The following SEMA5A variants were observed in gnomAD, a reference collection of about 807,000 sequenced individuals.
SEMA5A encodes the protein semaphorin 5A.
In SEMA5A, 55 loss-of-function variants were observed where a neutral mutation model predicts 135.5. The observed-to-expected ratio is 0.41, with a 90% CI of 0.33 to 0.51. The LOEUF is 0.51. Ranked by LOEUF, SEMA5A falls within the 20% of genes least tolerant of loss-of-function variation. The pLI is 0.37. For missense variants in SEMA5A, 1,290 were observed against 1,419.9 expected (o/e 0.91, Z 1.47); for synonymous variants, 580 against 546.5 (o/e 1.06, Z -0.85).
At position 9,088,017 on chromosome 5, in the gene SEMA5A, G is replaced by A. The variant is rs191535901; in HGVS notation, c.2073+20123C>T. On this transcript the variant is annotated intron_variant, in intron 16 of 22. Coordinates refer to ENST00000382496, the MANE Select transcript of SEMA5A (RefSeq NM_003966.3). ...AATATGAAGACAGTGGCCGGGCGTG[G>A]TGGCTCACGCCTATAATCCCAGCAA... is the stretch of plus-strand genomic sequence containing the variant. Among the ~76,000 whole-genome samples, 23 of 152,274 alleles carry A rather than the reference G, an allele frequency of 1.5e-4. No individual in the cohort carries two copies. In the East Asian group the frequency reaches 2.9e-3, roughly 19 times the overall value.
chr5:9,433,477 A>C (rs1412972140), intron 2 of SEMA5A, among the ~76,000 whole-genome samples: 2 of 152,194 alleles, frequency 1.3e-5, no homozygotes, highest in Non-Finnish European at 2.9e-5. Flanking sequence ...TTAATAATTA[A>C]GCCTTAAAAT....
chr5:9,413,040 T>C (rs902182626), intron 2 of SEMA5A, among the ~76,000 whole-genome samples: 1 of 152,158 alleles, frequency 6.6e-6, no homozygotes, highest in South Asian at 2.1e-4. Context: ...ATAACAAGTA[T>C]TGGCAGGAGA....
chr5:9,168,218 G>A (rs139007788), intron 11 of SEMA5A, among the ~76,000 whole-genome samples: 5 of 152,280 alleles, frequency 3.3e-5, no homozygotes, highest in African/African-American at 1.2e-4. Flanking sequence ...TACTCAGGGA[G>A]AAGCCTGAGA....
At chr5:9,492,501 T>C (rs1008722501) in intron 1 of SEMA5A, among the ~76,000 whole-genome samples, 1 of 152,190 alleles carries the variant, frequency 6.6e-6, no homozygotes, top group Non-Finnish European at 1.5e-5. Flanking sequence ...TGCTGCACTC[T>C]GAGCAAGAAG....
chr5:9,410,596 A>G (rs1163302771), intron 2 of SEMA5A, among the ~76,000 whole-genome samples: 1 of 152,204 alleles, frequency 6.6e-6, no homozygotes, highest in Non-Finnish European at 1.5e-5. Context: ...TTCCTCAGCA[A>G]ACAAACACAG....
At chr5:9,428,282 T>A (rs144156013) in intron 2 of SEMA5A, among the ~76,000 whole-genome samples, 32 of 152,232 alleles carry the variant, frequency 2.1e-4, no homozygotes, top group African/African-American at 7.5e-4. Context: ...TTACAGGAAA[T>A]ACAATTTCAG....
In SEMA5A at chr5:9,379,916, A is replaced by T; in HGVS notation, c.31T>A (p.Phe11Ile). 1 of 1,613,946 alleles carries T rather than the reference A, an allele frequency of 6.2e-7. No homozygotes were observed. Among genetic ancestry groups the T allele is most frequent in the East Asian group, 2.2e-5 (1 of 44,866 alleles). MKGTCVIAWLFSSLGLWRLAH... is the reference protein window; with the variant it reads MKGTCVIAWLISSLGLWRLAH... ...AGTCTCCACAGCCCCAGGCTTGAGA[A>T]CAGCCATGCTATAACACAGGTTCCC... The change falls in exon 3 of 23, where the codon TTC becomes ATC. Residue 11 changes from phenylalanine (F) to isoleucine (I), a missense_variant. By Grantham distance (21) the Phe-to-Ile change is conservative (BLOSUM62 0). Coordinates refer to ENST00000382496, the MANE Select transcript of SEMA5A (RefSeq NM_003966.3).
intron 5 of SEMA5A, among the ~76,000 whole-genome samples, chr5:9,290,591 T>A (rs1751029209): frequency 6.6e-6 from 1 of 152,142 alleles, no homozygotes; most frequent in African/African-American, 2.4e-5. Context: ...ATCATACTAT[T>A]AAAAATAACA....
intron 11 of SEMA5A, among the ~76,000 whole-genome samples, chr5:9,181,490 C>T (rs1326833132): frequency 6.6e-6 from 1 of 152,212 alleles, no homozygotes; most frequent in Non-Finnish European, 1.5e-5. Flanking sequence ...CCTCAATTGG[C>T]AGCCCCCCTG....
Position 9,457,682 on chromosome 5 carries a change from G to C in SEMA5A, c.-174-19830C>G, listed in dbSNP as rs558228978. 3.3e-5 allele frequency among the ~76,000 whole-genome samples: 5 copies of C among 152,132 alleles called. No homozygotes were observed. In the East Asian group the frequency reaches 7.7e-4, roughly 24 times the overall value. On this transcript the variant is annotated intron_variant, in intron 1 of 22. Transcript: ENST00000382496. ...AGGACTAACAAGTCTAGTTGTCTGG[G>C]AATTTGAATTCTTCCTCTGTATTTT...
intron 9 of SEMA5A, among the ~76,000 whole-genome samples, chr5:9,201,397 T>C (rs1745696125): frequency 6.6e-6 from 1 of 152,214 alleles, no homozygotes; most frequent in Admixed American, 6.5e-5. Context: ...AAAAATACTA[T>C]AATTTTTACA....
At chr5:9,161,654 G>C (rs1184445419) in intron 11 of SEMA5A, among the ~76,000 whole-genome samples, 1 of 152,190 alleles carries the variant, frequency 6.6e-6, no homozygotes, top group Non-Finnish European at 1.5e-5. Context: ...ACTGCCTGAG[G>C]ATGTACAGGG....
chr5:9,110,803 C>T (rs558662214), intron 15 of SEMA5A, among the ~76,000 whole-genome samples: 3 of 152,106 alleles, frequency 2.0e-5, no homozygotes, highest in Non-Finnish European at 2.9e-5. Context: ...AACACAGAAA[C>T]GTAAGGTTTT....
chr5:9,068,459 T>G (rs1737593844), intron 16 of SEMA5A, among the ~76,000 whole-genome samples: 1 of 152,104 alleles, frequency 6.6e-6, no homozygotes. Context: ...AGGGCAGAAC[T>G]CTCAGTGTCC....
chr5:9,362,004 T>C (rs1020290264), intron 3 of SEMA5A, among the ~76,000 whole-genome samples: 2 of 152,172 alleles, frequency 1.3e-5, no homozygotes, highest in African/African-American at 4.8e-5. Flanking sequence ...CTTATTTGGG[T>C]ACCTCGTGGG....
intron 21 of SEMA5A, among the ~76,000 whole-genome samples, chr5:9,046,349 T>C (rs1456376260): frequency 6.6e-6 from 1 of 152,194 alleles, no homozygotes; most frequent in Non-Finnish European, 1.5e-5. Context: ...CTGGAGATAA[T>C]GAGAAGAGCC....
chr5:9,243,107 T>C (rs1748294885), intron 5 of SEMA5A, among the ~76,000 whole-genome samples: 2 of 152,222 alleles, frequency 1.3e-5, no homozygotes. Context: ...TCCCTAGAGC[T>C]GTTGTGAGAA....
chr5:9,145,646 T>C lies in SEMA5A; in HGVS notation c.1481+8842A>G, dbSNP rs199693563. The stretch of plus-strand genomic sequence containing the variant: ...GTAGATATTAAAGAAGAAAACTTTT[T>C]TTTTTTTTTTTTTTTAGATGGAGTC... On this transcript the variant is annotated intron_variant, in intron 12 of 22. Transcript: ENST00000382496. Among the ~76,000 whole-genome samples, 201 of 149,316 alleles carry C rather than the reference T, an allele frequency of 1.3e-3. No homozygotes were observed. The East Asian group carries it at 0.022, about 16-fold the overall frequency.
rs112510706 is a variant in SEMA5A at position 9,208,184 on chromosome 5, A to G, written c.647-5944T>C. On this transcript the variant is annotated intron_variant, in intron 8 of 22. Transcript: ENST00000382496. ...CCTCTATTTATTAAAAATAACTCCAAAAATTAATATAAACACAGATGTGAG... is the reference window on the plus strand; with the variant it reads ...CCTCTATTTATTAAAAATAACTCCAGAAATTAATATAAACACAGATGTGAG... Among the ~76,000 whole-genome samples, 1,156 of 152,354 alleles carry G rather than the reference A, an allele frequency of 7.6e-3. 15 individuals are homozygous for G. Among genetic ancestry groups the G allele is most frequent in the African/African-American group, 0.027 (1,102 of 41,576 alleles).
Sources: allele counts gnomAD v4.1 joint callset (sites outside exome capture counted in the v4.1 genomes callset), GRCh38; gene constraint gnomAD v4.1.1; transcripts MANE v1.5; gene names NCBI Gene and HGNC (gene_info 2026-07-23, HGNC 2026-07-21).